The following AANAT variants were observed in gnomAD, a reference collection of about 807,000 sequenced individuals.
AANAT encodes the protein aralkylamine N-acetyltransferase, also known as serotonin N-acetyltransferase.
In AANAT, 11 loss-of-function variants were observed where a neutral mutation model predicts 15.6. The ratio of observed to expected loss-of-function variants is 0.71; its 90% CI spans 0.44 to 1.17. AANAT has a LOEUF of 1.17. AANAT is among the 50% of genes most tolerant of loss of function. AANAT has a pLI of 0.00. For missense variants in AANAT, 286 were observed against 296.3 expected (o/e 0.97, Z 0.26); for synonymous variants, 139 against 131.5 (o/e 1.06, Z -0.39).
Position 76,469,460 on chromosome 17 carries a change from C to T in AANAT, c.318+133C>T. 7.4e-7 allele frequency: 1 copy of T among 1,344,566 alleles called. No individual in the cohort carries two copies. Among genetic ancestry groups the T allele is most frequent in the Non-Finnish European group, 1.0e-6 (1 of 991,342 alleles). 83.3% of individuals were successfully genotyped at this position (1,344,566 alleles called of 1,614,324 possible). ...GGAGAGATGAGTACAGGCCACAGGC[C>T]CCTCCCAGAGCAAGACCTTCTGGGT... On this transcript the variant is annotated intron_variant, in intron 3 of 3. Transcript: ENST00000392492. This position sits in a 1 kb window ranked among gnomAD's most constrained non-coding sequence, Gnocchi z 5.2.
At chr17:76,460,110 T>C (rs1347624790) in intron 2 of AANAT, among the ~76,000 whole-genome samples, 3 of 145,144 alleles carry the variant, frequency 2.1e-5, no homozygotes, top group African/African-American at 7.7e-5. Flanking sequence ...TGCTCCAGCC[T>C]CAGTCACCTA....
In AANAT at chr17:76,469,404, C is replaced by T; in HGVS notation, c.318+77C>T. 1.9e-6 allele frequency: 3 copies of T among 1,573,674 alleles called. No individual in the cohort carries two copies. The highest frequency in any genetic ancestry group is 1.1e-5 in the South Asian group (1 of 87,316). On this transcript the variant is annotated intron_variant, in intron 3 of 3. Transcript: ENST00000392492. This position sits in a 1 kb window ranked among gnomAD's most constrained non-coding sequence, Gnocchi z 5.2. Reference sequence around the variant, plus strand: ...GTCAGCCAGATGGCGGGGAGGGGAGCCCAGGGGCTGGGATTTCTTCCTCCA... The same window carrying T: ...GTCAGCCAGATGGCGGGGAGGGGAGTCCAGGGGCTGGGATTTCTTCCTCCA...
upstream of AANAT, among the ~76,000 whole-genome samples, chr17:76,463,938 G>C (rs2073413524): frequency 6.6e-6 from 1 of 152,196 alleles, no homozygotes; most frequent in East Asian, 1.9e-4. Flanking sequence ...TGGGGGCTCT[G>C]ATGGGTCAGA....
Position 76,467,678 on chromosome 17 carries a change from G to A in AANAT, c.-125G>A. 1 of 985,506 alleles carries A rather than the reference G, an allele frequency of 1.0e-6. No individual in the cohort carries two copies. The highest frequency in any genetic ancestry group is 1.2e-6 in the Non-Finnish European group (1 of 829,972). 61.0% of individuals were successfully genotyped at this position (985,506 alleles called of 1,614,324 possible). On this transcript the variant is annotated 5_prime_UTR_variant, in exon 1 of 4. Transcript: ENST00000392492. ...TCCCGTGCCTGCGGACAGGCCCCCAGGGCTAGCGGCTTTGTGGAGGGAACA... is the reference window on the plus strand; with the variant it reads ...TCCCGTGCCTGCGGACAGGCCCCCAAGGCTAGCGGCTTTGTGGAGGGAACA...
upstream of AANAT, among the ~76,000 whole-genome samples, chr17:76,464,277 G>A (rs1444032414): frequency 2.6e-5 from 4 of 151,954 alleles, no homozygotes; most frequent in Admixed American, 6.6e-5. Context: ...GGGAGGCGGA[G>A]GTTGCAGTGA....
upstream of AANAT, among the ~76,000 whole-genome samples, chr17:76,463,542 G>C (rs760527876): frequency 4.0e-5 from 6 of 151,750 alleles, no homozygotes; most frequent in Non-Finnish European, 8.8e-5. Context: ...TCCTGACCTC[G>C]AGCTATCCAC....
In AANAT at chr17:76,469,123, GACGCGAGGC is replaced by G; in HGVS notation, c.164-47_164-39del. ...GACACTCGGGGTGCAGCAGACAGTG[GACGCGAGGC>G]ACAGCGACTACCAGTCACCCACCTG... On this transcript the variant is annotated intron_variant, in intron 2 of 3. Coordinates refer to ENST00000392492, the MANE Select transcript of AANAT (RefSeq NM_001088.3). The surrounding 1 kb of genome is among the most constrained non-coding windows in gnomAD (Gnocchi z 5.2). The G allele has an allele frequency of 2.5e-6, 4 of 1,608,096 alleles. No individual in the cohort carries two copies. Among genetic ancestry groups the G allele is most frequent in the Non-Finnish European group, 3.4e-6 (4 of 1,176,402 alleles).
upstream of AANAT, among the ~76,000 whole-genome samples, chr17:76,466,419 G>C (rs1165699949): frequency 6.6e-6 from 1 of 152,106 alleles, no homozygotes; most frequent in Non-Finnish European, 1.5e-5. Flanking sequence ...GTGGGCGGGG[G>C]CATCGGGACG....
chr17:76,469,869 GCCGTGGGCCCCTGCGCCATCA>G lies in AANAT; in HGVS notation c.532_552del (p.Pro178_Gly184del). On this transcript the variant is annotated inframe_deletion, in exon 4 of 4. Coordinates refer to ENST00000392492, the MANE Select transcript of AANAT (RefSeq NM_001088.3). This position sits in a 1 kb window ranked among gnomAD's most constrained non-coding sequence, Gnocchi z 5.2. ...CTTCTATGAGAGGTTCAGCTTCCAC[GCCGTGGGCCCCTGCGCCATCA>G]CCGTGGGCTCCCTCACCTTCATGGA... 6.3e-7 allele frequency: 1 copy of G among 1,594,384 alleles called. No individual in the cohort carries two copies. Among genetic ancestry groups the G allele is most frequent in the South Asian group, 1.1e-5 (1 of 88,110 alleles).
intron 1 of AANAT, among the ~76,000 whole-genome samples, chr17:76,457,696 C>G (rs1355003007): frequency 3.3e-5 from 5 of 152,112 alleles, no homozygotes; most frequent in Non-Finnish European, 5.9e-5. Flanking sequence ...GTGTGTGTAA[C>G]CCTGGTGCCT....
At chr17:76,454,432 C>T (rs899589696) in intron 1 of AANAT, among the ~76,000 whole-genome samples, 1 of 151,796 alleles carries the variant, frequency 6.6e-6, no homozygotes, top group African/African-American at 2.4e-5. Flanking sequence ...TTGCAGTGAG[C>T]CCAGATCGCG....
exon 2 of AANAT, chr17:76,459,341 T>G (rs2073366303): frequency 6.6e-6 from 1 of 152,226 alleles, no homozygotes; most frequent in Non-Finnish European, 1.5e-5. Context: ...GACTCGTGGG[T>G]GCTTCCTGGA....
chr17:76,460,912 C>A (rs2073382037), intron 2 of AANAT, among the ~76,000 whole-genome samples: 1 of 152,160 alleles, frequency 6.6e-6, no homozygotes, highest in Non-Finnish European at 1.5e-5. Context: ...TGCCTATAAT[C>A]CCAGCAATTT....
chr17:76,463,309 C>CTTTTTTTTTTTTTTTTT (rs60885549), upstream of AANAT, among the ~76,000 whole-genome samples: 1 of 111,976 alleles, frequency 8.9e-6, no homozygotes. Context: ...GGAAGGATTC[C>CTTTTTTTTTTTTTTTTT]TTTTTTTTTT....
chr17:76,460,695 G>A lies in AANAT; in HGVS notation c.-456+1329G>A, dbSNP rs1439994042. Reference sequence around the variant, plus strand: ...ATTGGGCAGTTTGGCTCCATTACTTGGGGAGCCGTAGGTCCCTTCTTTGTC... The same window carrying A: ...ATTGGGCAGTTTGGCTCCATTACTTAGGGAGCCGTAGGTCCCTTCTTTGTC... On this transcript the variant is annotated intron_variant, in intron 2 of 6. Coordinates refer to the AANAT transcript ENST00000250615. 2.0e-5 allele frequency among the ~76,000 whole-genome samples: 3 copies of A among 152,106 alleles called. No individual in the cohort carries two copies. The East Asian group carries it at 5.8e-4, about 29-fold the overall frequency.
upstream of AANAT, among the ~76,000 whole-genome samples, chr17:76,466,492 GC>G (rs2143975010): frequency 6.6e-6 from 1 of 152,302 alleles, no homozygotes; most frequent in East Asian, 1.9e-4. Context: ...AGCTTCCTCT[GC>G]GGGGGGGTCG....
chr17:76,461,635 G>T (rs1329405477), intron 2 of AANAT, among the ~76,000 whole-genome samples: 2 of 146,092 alleles, frequency 1.4e-5, no homozygotes, highest in African/African-American at 2.5e-5. Flanking sequence ...AAAAAAGGAA[G>T]GAAGGAAGGA....
rs780636030 is a variant in AANAT at position 76,469,728 on chromosome 17, C to A, written c.382C>A (p.Arg128Ser). Reference protein sequence around the residue: ...IAHLHVLAVHRAFRQQGRGPI... With the variant: ...IAHLHVLAVHSAFRQQGRGPI... ...CCACCTGCATGTGCTGGCCGTGCAC[C>A]GCGCCTTCCGGCAGCAGGGCAGGGG... Residue 128 changes from arginine (R) to serine (S), a missense_variant, in exon 4 of 4, where the codon CGC (arginine) becomes AGC (serine). Transcript: ENST00000392492. The surrounding 1 kb of genome is among the most constrained non-coding windows in gnomAD (Gnocchi z 5.2). 11 of 1,553,080 alleles carry A rather than the reference C, an allele frequency of 7.1e-6. No individual in the cohort carries two copies.
chr17:76,462,953 C>G (rs1598637417), upstream of AANAT, among the ~76,000 whole-genome samples: 1 of 152,230 alleles, frequency 6.6e-6, no homozygotes, highest in Non-Finnish European at 1.5e-5. Context: ...CCTTGGTCTG[C>G]CCCAAATGGG....
Sources: gnomAD v4.1 joint callset for allele counts (sites outside exome capture counted in the v4.1 genomes callset) on GRCh38, gnomAD v4.1.1 for gene constraint, Gnocchi (gnomAD v3.1) non-coding constraint, MANE v1.5 for transcripts, NCBI Gene and HGNC (gene_info 2026-07-23, HGNC 2026-07-21) for gene names.